Variants in DIP2A observed in about 807,000 individuals in gnomAD.
The protein encoded by DIP2A is disco-interacting protein 2 homolog A.
A neutral mutation model predicts 177.4 loss-of-function variants in DIP2A; 85 were observed. The ratio of observed to expected loss-of-function variants is 0.48; its 90% CI spans 0.40 to 0.57. DIP2A has a LOEUF of 0.57. Among genes scored for constraint, DIP2A ranks in the 20% least tolerant of loss-of-function variants. The pLI is 0.00. For missense variants in DIP2A, 1,791 were observed against 2,100.2 expected (o/e 0.85, Z 2.88); for synonymous variants, 886 against 881.8 (o/e 1.00, Z -0.08).
Position 46,463,680 on chromosome 21 carries a change from T to TTTTGTG in DIP2A, c.91+4459_91+4460insTTGTGT, listed in dbSNP as rs1555858071. 2.0e-3 allele frequency among the ~76,000 whole-genome samples: 263 copies of TTTTGTG among 131,036 alleles called. 5 individuals carry two copies. The East Asian group carries it at 0.034, about 17-fold the overall frequency. The allele number at this position is 131,036 out of a possible 152,430, so 86.0% of individuals were successfully genotyped here. A position where few individuals can be genotyped will look rare whatever the true frequency, so the allele number is the denominator to read the frequency against. ...TTAATTTCTAAAATCTGGGATATAT[T>TTTTGTG]TGTGTGTGTGTGTGTGTGTGTGTGT... is the stretch of plus-strand genomic sequence containing the variant. On this transcript the variant is annotated intron_variant, in intron 1 of 37. Transcript: ENST00000417564.
At chr21:46,547,327 T>G in intron 21 of DIP2A, 1 of 727,834 alleles carries the variant, frequency 1.4e-6, no homozygotes, top group Non-Finnish European at 1.8e-6. Flanking sequence ...AAGAATTGAG[T>G]AAAGCAAAGG....
chr21:46,541,207 AAAC>A (rs1369932052), intron 17 of DIP2A, among the ~76,000 whole-genome samples: 1 of 152,162 alleles, frequency 6.6e-6, no homozygotes, highest in Non-Finnish European at 1.5e-5. Flanking sequence ...GTTGTATCAC[AAAC>A]AACAACAGTC....
rs1026310123 is a variant in DIP2A at position 46,492,583 on chromosome 21, A to G, written c.283+1864A>G. Among the ~76,000 whole-genome samples the G allele has an allele frequency of 1.1e-4, 16 of 151,848 alleles. 1 individual carries two copies. The highest frequency in any genetic ancestry group is 2.0e-4 in the Admixed American group (3 of 15,242). On this transcript the variant is annotated intron_variant, in intron 3 of 37. Coordinates refer to ENST00000417564, the MANE Select transcript of DIP2A (RefSeq NM_015151.4). Reference sequence around the variant, plus strand: ...GAAGCCCTAACCCCGGTGGGATGCTATTTGGAGTTTGGTCCTTTGGGAGGT... The same window carrying G: ...GAAGCCCTAACCCCGGTGGGATGCTGTTTGGAGTTTGGTCCTTTGGGAGGT...
chr21:46,549,719 G>A (rs1033991110), intron 21 of DIP2A, 52 bp from the exon 22 acceptor site: 2 of 1,606,058 alleles, frequency 1.2e-6, no homozygotes, highest in Non-Finnish European at 1.7e-6. Context: ...GAATGCATCT[G>A]TGTCTTGTTT....
intron 1 of DIP2A, among the ~76,000 whole-genome samples, chr21:46,464,844 T>TTTTTTTTTAC (rs58546395): frequency 9.0e-6 from 1 of 111,218 alleles, no homozygotes; most frequent in African/African-American, 4.2e-5. Flanking sequence ...TTTTTTTTTT[T>TTTTTTTTTAC]CAAGAAAACA....
At chr21:46,464,906 A>T (rs1601311347) in intron 1 of DIP2A, among the ~76,000 whole-genome samples, 1 of 138,800 alleles carries the variant, frequency 7.2e-6, no homozygotes, top group Admixed American at 8.1e-5. Flanking sequence ...AACAGCATGT[A>T]GATTATTTTC....
intron 17 of DIP2A, 39 bp downstream of exon 17, chr21:46,540,030 T>G (rs1481819028): frequency 5.2e-6 from 8 of 1,527,728 alleles, no homozygotes; most frequent in Non-Finnish European, 7.3e-6. Flanking sequence ...AGCACTTAGT[T>G]GAATCTTCTG....
intron 1 of DIP2A, among the ~76,000 whole-genome samples, chr21:46,481,607 T>C (rs187330216): frequency 6.6e-5 from 10 of 152,358 alleles, no homozygotes; most frequent in Admixed American, 1.3e-4. Flanking sequence ...TTCACAGTCT[T>C]TGTCAGCACT....
chr21:46,567,931 G>A lies in DIP2A; in HGVS notation c.*309G>A, dbSNP rs1306271536. 1 of 296,616 alleles carries A rather than the reference G, an allele frequency of 3.4e-6. No homozygotes were observed. Among genetic ancestry groups the A allele is most frequent in the African/African-American group, 2.2e-5 (1 of 46,416 alleles). The allele number at this position is 296,616 out of a possible 1,614,324, so 18.4% of individuals were successfully genotyped here. A position where few individuals can be genotyped will look rare whatever the true frequency, so the allele number is the denominator to read the frequency against. ...ATCACAGGCACCGAGGTTGTTCTCTGCTGTACTGCAAGTTTGCACTTTCTT... is the reference window on the plus strand; with the variant it reads ...ATCACAGGCACCGAGGTTGTTCTCTACTGTACTGCAAGTTTGCACTTTCTT... On this transcript the variant is annotated 3_prime_UTR_variant, in exon 38 of 38. Transcript: ENST00000417564.
intron 28 of DIP2A, among the ~76,000 whole-genome samples, chr21:46,555,262 G>T (rs1205633231): frequency 1.3e-5 from 2 of 152,224 alleles, no homozygotes; most frequent in South Asian, 2.1e-4. Flanking sequence ...AGCTCCCACC[G>T]CATGCCGCCA....
chr21:46,547,292 G>A, intron 21 of DIP2A: 1 of 1,129,454 alleles, frequency 8.9e-7, no homozygotes, highest in Non-Finnish European at 1.1e-6. Context: ...TGGGGCAAAG[G>A]CTCAAGGGGA....
chr21:46,538,531 C>G lies in DIP2A; in HGVS notation c.1850C>G (p.Ala617Gly). ...CGAGACATGCACTGGTCTCTCCTAG[C>G]TCAGCGGGGCCAGAGGGACGTCAGC... ...KSRDMHWSLL[A>G]QRGQRDVSLS... is the part of the protein sequence containing the mutation. The change falls in exon 16 of 38, where the codon GCT (alanine) becomes GGT (glycine). Residue 617 changes from alanine to glycine, a missense_variant. Coordinates refer to ENST00000417564, the MANE Select transcript of DIP2A (RefSeq NM_015151.4). 6.4e-7 allele frequency: 1 copy of G among 1,561,196 alleles called. No individual in the cohort carries two copies. The highest frequency in any genetic ancestry group is 8.7e-7 in the Non-Finnish European group (1 of 1,155,428).
At chr21:46,485,636 G>T (rs1321399679) in intron 2 of DIP2A, among the ~76,000 whole-genome samples, 1 of 152,042 alleles carries the variant, frequency 6.6e-6, no homozygotes, top group Admixed American at 6.5e-5. Context: ...GTCACTAAAG[G>T]TACCAAAAAG....
chr21:46,557,686 C>T lies in DIP2A; in HGVS notation c.3731C>T (p.Thr1244Ile), dbSNP rs2060516168. ...GTCAGCCAGTACAAGGCCCGCGTCACCTTCTGCTCCTACTCTGTGATGGAG... is the reference window on the plus strand; with the variant it reads ...GTCAGCCAGTACAAGGCCCGCGTCATCTTCTGCTCCTACTCTGTGATGGAG... ...SAVSQYKARV[T>I]FCSYSVMEMC... The change falls in exon 31 of 38, where the codon ACC becomes ATC. Residue 1244 changes from threonine (T) to isoleucine (I), a missense_variant. Coordinates refer to ENST00000417564, the MANE Select transcript of DIP2A (RefSeq NM_015151.4). The surrounding 1 kb of genome is among the most constrained non-coding windows in gnomAD (Gnocchi z 6.0). 1 of 1,613,640 alleles carries T rather than the reference C, an allele frequency of 6.2e-7. No homozygotes were observed. The highest frequency in any genetic ancestry group is 8.5e-7 in the Non-Finnish European group (1 of 1,179,860).
chr21:46,550,695 C>T lies in DIP2A; in HGVS notation c.2790C>T (p.Cys930=), dbSNP rs777769391. The T allele has an allele frequency of 1.4e-5, 23 of 1,613,914 alleles. No homozygotes were observed. In the South Asian group the frequency reaches 1.6e-4, roughly 12 times the overall value. Residue 930 remains cysteine (C), a synonymous_variant, in exon 23 of 38, where the codon TGC becomes TGT. Transcript: ENST00000417564. The part of the protein sequence containing the change: ...GTLHPCNVLM[C]PHTCVTNLPK... Reference sequence around the variant, plus strand: ...TGCACCCGTGTAATGTGCTGATGTGCCCTCACACCTGTGTTACCAACCTCC... The same window carrying T: ...TGCACCCGTGTAATGTGCTGATGTGTCCTCACACCTGTGTTACCAACCTCC...
chr21:46,495,239 C>CTTCT (rs2057270134), intron 3 of DIP2A, among the ~76,000 whole-genome samples: 2 of 46,344 alleles, frequency 4.3e-5, no homozygotes, highest in Admixed American at 1.9e-4. Context: ...CTTCTCTTCT[C>CTTCT]TTCTTTCTCT....
chr21:46,545,783 C>CG, intron 19 of DIP2A, 98 bp from the exon 20 acceptor site: 2 of 1,391,548 alleles, frequency 1.4e-6, no homozygotes, highest in Non-Finnish European at 2.0e-6. Flanking sequence ...GGCCAGCAGG[C>CG]GCACACGTGG....
At chr21:46,475,781 A>G (rs1403094475) in intron 1 of DIP2A, among the ~76,000 whole-genome samples, 1 of 152,210 alleles carries the variant, frequency 6.6e-6, no homozygotes, top group African/African-American at 2.4e-5. Flanking sequence ...TCCATTTGTC[A>G]TCTTCCCAAC....
intron 22 of DIP2A, chr21:46,550,143 C>A: frequency 1.1e-6 from 1 of 940,332 alleles, no homozygotes; most frequent in Non-Finnish European, 1.5e-6. Flanking sequence ...CTGATGAGAA[C>A]ATTTGAAATG....
Sources: gnomAD v4.1 joint callset for allele counts (sites outside exome capture counted in the v4.1 genomes callset) on GRCh38, gnomAD v4.1.1 for gene constraint, Gnocchi (gnomAD v3.1) non-coding constraint, MANE v1.5 for transcripts, NCBI Gene and HGNC (gene_info 2026-07-23, HGNC 2026-07-21) for gene names.